ING5: variants seen among roughly 807,000 people sequenced by gnomAD.
The protein encoded by ING5 is inhibitor of growth family member 5, also known as inhibitor of growth protein 5.
Under a neutral mutation model 37.4 loss-of-function variants are expected in ING5, and 17 were observed. The observed-to-expected ratio is 0.45, with a 90% CI of 0.31 to 0.68. The LOEUF is 0.68. Ranked by LOEUF, ING5 falls within the 30% of genes least tolerant of loss-of-function variation. ING5 has a pLI of 0.05. For synonymous variants in ING5, 123 were observed against 116.6 expected, an observed-to-expected ratio of 1.06 and a Z score of -0.36; for missense variants, 233 against 311.9, an observed-to-expected ratio of 0.75 and a Z score of 1.91.
chr2:241,716,122 T>C (rs2070261060), intron 5 of ING5, among the ~76,000 whole-genome samples: 1 of 151,620 alleles, frequency 6.6e-6, no homozygotes, highest in African/African-American at 2.4e-5. Flanking sequence ...ATTTGGTCTG[T>C]TCATATTTAA....
chr2:241,717,452 G>A (rs1420493413), intron 5 of ING5, among the ~76,000 whole-genome samples: 2 of 151,776 alleles, frequency 1.3e-5, no homozygotes, highest in East Asian at 3.9e-4. Context: ...ATTTCTTTAT[G>A]TGGATGCAAA....
At chr2:241,711,258 T>G (rs1054789825) in intron 3 of ING5, 119 bp from the exon 4 acceptor site, 39 of 597,530 alleles carry the variant, frequency 6.5e-5, no homozygotes, top group Non-Finnish European at 1.0e-4. Flanking sequence ...CAGAGGTTTG[T>G]TCATTGGAGA....
At position 241,729,434 on chromosome 2, in the gene ING5, A is replaced by T. The variant is rs1691737989; in HGVS notation, c.*4403A>T. 1 of 152,650 alleles carries T rather than the reference A, an allele frequency of 6.6e-6. No homozygotes were observed. Among genetic ancestry groups the T allele is most frequent in the African/African-American group, 2.4e-5 (1 of 41,448 alleles). 9.5% of individuals were successfully genotyped at this position (152,650 alleles called of 1,614,324 possible). The stretch of plus-strand genomic sequence containing the variant: ...TCAGTATTTTTGGATCATGTTATAG[A>T]TTATGGATATATTGTTTAATAAATA... On this transcript the variant is annotated 3_prime_UTR_variant, in exon 8 of 8. Coordinates refer to ENST00000313552, the MANE Select transcript of ING5 (RefSeq NM_032329.6).
chr2:241,705,342 T>C (rs2069871243), intron 2 of ING5, among the ~76,000 whole-genome samples: 1 of 151,516 alleles, frequency 6.6e-6, no homozygotes, highest in South Asian at 2.1e-4. Context: ...CCTCCCAAAG[T>C]GCTGGGATTA....
At chr2:241,724,934 C>A in intron 7 of ING5, 55 bp from the exon 8 acceptor site, 1 of 1,582,294 alleles carries the variant, frequency 6.3e-7, no homozygotes, top group Non-Finnish European at 8.6e-7. Context: ...CCCTGGGCAC[C>A]CTGCGCGCTG....
chr2:241,708,445 G>T (rs1460871910), intron 2 of ING5, among the ~76,000 whole-genome samples: 2 of 151,798 alleles, frequency 1.3e-5, no homozygotes, highest in African/African-American at 4.8e-5. Flanking sequence ...CTGACCTCGT[G>T]ATCTGCCCGC....
At chr2:241,714,875 C>T (rs2070220214) in intron 5 of ING5, among the ~76,000 whole-genome samples, 1 of 152,154 alleles carries the variant, frequency 6.6e-6, no homozygotes, top group African/African-American at 2.4e-5. Context: ...AGATTACAGG[C>T]GTGAGCCACT....
In ING5 at chr2:241,702,093, T is replaced by A. The variant is rs1363067725; in HGVS notation, c.28T>A (p.Tyr10Asn). The A allele has an allele frequency of 7.3e-7, 1 of 1,360,950 alleles. No homozygotes were observed. The highest frequency in any genetic ancestry group is 9.5e-7 in the Non-Finnish European group (1 of 1,048,902). 84.3% of individuals were successfully genotyped at this position (1,360,950 alleles called of 1,614,324 possible). A position where few individuals can be genotyped will look rare whatever the true frequency, so the allele number is the denominator to read the frequency against. MATAMYLEH[Y>N]LDSIENLPCE... ...GGCGACCGCCATGTACTTGGAGCAC[T>A]ATCTGGACAGTAAGCGCGCCCCACG... The change falls in exon 1 of 8, where the codon TAT becomes AAT. Residue 10 changes from tyrosine to asparagine, a missense_variant. Tyr to Asn is a moderately radical substitution (Grantham distance 143). Coordinates refer to ENST00000313552, the MANE Select transcript of ING5 (RefSeq NM_032329.6).
intron 5 of ING5, chr2:241,712,307 G>T: frequency 4.5e-6 from 2 of 444,390 alleles, no homozygotes; most frequent in Non-Finnish European, 8.1e-6. Context: ...TAGGGCTGCT[G>T]TGGTGCGGCT....
chr2:241,687,139 A>G (rs1559291047), exon 1 of ING5: 1 of 388,882 alleles, frequency 2.6e-6, no homozygotes, highest in African/African-American at 2.1e-5. Context: ...AGGGGAGCGC[A>G]GGGTCGGAGG....
At chr2:241,688,969 T>C (rs532346397) in intron 1 of ING5, among the ~76,000 whole-genome samples, 45 of 152,100 alleles carry the variant, frequency 3.0e-4, no homozygotes, top group African/African-American at 1.0e-3. Context: ...CGGCTAATTT[T>C]TTTTGTATTT....
At chr2:241,721,441 CT>C in intron 5 of ING5, 1 of 985,668 alleles carries the variant, frequency 1.0e-6, no homozygotes, top group Non-Finnish European at 1.2e-6. Flanking sequence ...GTGGGCGCCC[CT>C]GTGCCAGAGG....
At chr2:241,724,022 A>G (rs991913695) in intron 7 of ING5, 14 of 1,385,174 alleles carry the variant, frequency 1.0e-5, no homozygotes, top group Non-Finnish European at 1.3e-5. Context: ...ATAAATAAAT[A>G]AAAAGATAAA....
chr2:241,724,071 G>T (rs1388052615), intron 7 of ING5: 5 of 1,372,488 alleles, frequency 3.6e-6, no homozygotes, highest in Non-Finnish European at 4.7e-6. Flanking sequence ...ATCTAAAAAT[G>T]GATATCTATG....
At chr2:241,696,432 A>G (rs2069631278) in intron 2 of ING5, among the ~76,000 whole-genome samples, 1 of 151,976 alleles carries the variant, frequency 6.6e-6, no homozygotes, top group Non-Finnish European at 1.5e-5. Flanking sequence ...AACAAAAAAC[A>G]AAACAGAATG....
intron 5 of ING5, among the ~76,000 whole-genome samples, chr2:241,714,697 C>G (rs2070215422): frequency 6.6e-6 from 1 of 151,830 alleles, no homozygotes. Flanking sequence ...TCCCTGTCCC[C>G]AGGCTCAAGT....
At chr2:241,723,982 C>T in intron 7 of ING5, 1 of 1,316,698 alleles carries the variant, frequency 7.6e-7, no homozygotes, top group South Asian at 1.5e-5. Flanking sequence ...TGCACTCCAG[C>T]CTGGGCGAGA....
At position 241,723,363 on chromosome 2, in the gene ING5, T is replaced by C; in HGVS notation, c.680+92T>C. On this transcript the variant is annotated intron_variant, in intron 7 of 7. Transcript: ENST00000313552. ...GGAGAAGGTGCTCCATGGCAGAATC[T>C]TGCCGGGCTTAGCGGGACACGGTAG... 5.1e-6 allele frequency: 7 copies of C among 1,380,498 alleles called. No homozygotes were observed. In the South Asian group the frequency reaches 8.1e-5, roughly 16 times the overall value. The allele number at this position is 1,380,498 out of a possible 1,614,324, so 85.5% of individuals were successfully genotyped here.
chr2:241,708,051 C>T (rs1246727399), intron 2 of ING5, among the ~76,000 whole-genome samples: 2 of 152,142 alleles, frequency 1.3e-5, no homozygotes, highest in African/African-American at 2.4e-5. Context: ...GCACGTAACA[C>T]CATGCCCAGC....
Sources: gnomAD v4.1 joint callset for allele counts (sites outside exome capture counted in the v4.1 genomes callset) on GRCh38, gnomAD v4.1.1 for gene constraint, MANE v1.5 for transcripts, NCBI Gene and HGNC (gene_info 2026-07-23, HGNC 2026-07-21) for gene names.